The following HERC3 variants were observed in gnomAD, a reference collection of about 807,000 sequenced individuals.
HERC3 encodes HECT and RLD domain containing E3 ubiquitin protein ligase 3, also known as probable E3 ubiquitin-protein ligase HERC3.
In HERC3, 58 loss-of-function variants were observed where a neutral mutation model predicts 129.9. The observed-to-expected ratio is 0.45, with a 90% CI of 0.36 to 0.56. The LOEUF is 0.56. HERC3 is among the 20% of genes least tolerant of loss of function. The pLI is 0.00. For missense variants in HERC3, 835 were observed against 1,244.2 expected, an observed-to-expected ratio of 0.67 and a Z score of 4.95; for synonymous variants, 430 against 451.0, an observed-to-expected ratio of 0.95 and a Z score of 0.59.
At chr4:88,524,681 T>A in the HERC3 span, 1 of 152,240 alleles carries the variant, frequency 6.6e-6, no homozygotes, top group South Asian at 2.1e-4. Context: ...AATGTGATTG[T>A]GCATTCGAAG....
chr4:88,696,365 A>G (rs574287694), intron 23 of HERC3: 1 of 152,762 alleles, frequency 6.5e-6, no homozygotes, highest in South Asian at 2.1e-4. Flanking sequence ...GCTTTACATA[A>G]TTTGCTACAT....
chr4:88,597,992 G>A (rs1722579170), intron 2 of HERC3: 1 of 152,182 alleles, frequency 6.6e-6, no homozygotes, highest in Admixed American at 6.5e-5. Context: ...TTTATTTAAA[G>A]CCTGAATTTG....
the HERC3 span, among the ~76,000 whole-genome samples, chr4:88,547,398 A>C: frequency 6.6e-6 from 1 of 152,226 alleles, no homozygotes; most frequent in Admixed American, 6.5e-5. Context: ...AAAATGTAAA[A>C]TTTAATGGTT....
In HERC3 at chr4:88,706,922, C is replaced by G; in HGVS notation, c.3115C>G (p.Gln1039Glu). 6.2e-7 allele frequency: 1 copy of G among 1,614,188 alleles called. No homozygotes were observed. Among genetic ancestry groups the G allele is most frequent in the African/African-American group, 1.3e-5 (1 of 75,040 alleles). ...SKEILSARLT[Q>E]ALDNYEGFSL... is the part of the protein sequence containing the mutation. ...AGAGATTCTGAGTGCCCGGCTGACC[C>G]AGGCCCTTGACAACTATGAAGGGTT... is the stretch of plus-strand genomic sequence containing the variant. Residue 1039 changes from glutamine to glutamate, a missense_variant, in exon 26 of 26, where the codon CAG becomes GAG. Coordinates refer to ENST00000402738, the MANE Select transcript of HERC3 (RefSeq NM_014606.3).
At chr4:88,540,532 A>T in the HERC3 span, among the ~76,000 whole-genome samples, 4 of 152,254 alleles carry the variant, frequency 2.6e-5, no homozygotes, top group Admixed American at 2.6e-4. Flanking sequence ...TCAGGATATT[A>T]TCAAGGAGAA....
intron 19 of HERC3, 37 bp from the exon 20 acceptor site, chr4:88,680,056 T>C (rs752981693): frequency 6.4e-7 from 1 of 1,570,196 alleles, no homozygotes. Context: ...GTGTCATAGA[T>C]TTCCCGGAAG....
intron 3 of HERC3, among the ~76,000 whole-genome samples, chr4:88,615,644 G>T (rs1378181568): frequency 6.6e-6 from 1 of 152,164 alleles, no homozygotes; most frequent in Non-Finnish European, 1.5e-5. Flanking sequence ...ACATGTCTTA[G>T]TTTCCTTAGT....
chr4:88,523,871 G>T, the HERC3 span: 1 of 618,504 alleles, frequency 1.6e-6, no homozygotes, highest in Non-Finnish European at 2.6e-6. Flanking sequence ...CTTCTGCTCC[G>T]ACTGCTTTTC....
intron 3 of HERC3, among the ~76,000 whole-genome samples, chr4:88,633,003 A>G (rs560551886): frequency 2.0e-5 from 3 of 152,324 alleles, no homozygotes; most frequent in African/African-American, 7.2e-5. Context: ...AAAACAACAC[A>G]TTACATATAA....
chr4:88,677,398 T>G (rs1482431048), intron 18 of HERC3, among the ~76,000 whole-genome samples: 2 of 152,146 alleles, frequency 1.3e-5, no homozygotes, highest in Non-Finnish European at 2.9e-5. Context: ...AATCCTCCAC[T>G]TCCTACCATT....
the HERC3 span, among the ~76,000 whole-genome samples, chr4:88,554,504 A>G: frequency 1.3e-5 from 2 of 152,234 alleles, no homozygotes; most frequent in African/African-American, 4.8e-5. Flanking sequence ...GTTGGGCTTT[A>G]AACAATAATG....
At chr4:88,528,788 G>A in the HERC3 span, among the ~76,000 whole-genome samples, 1 of 152,104 alleles carries the variant, frequency 6.6e-6, no homozygotes, top group Non-Finnish European at 1.5e-5. Flanking sequence ...ACTTCAACCA[G>A]TTACTTAGTT....
chr4:88,612,296 T>TGTGTGC, intron 3 of HERC3, among the ~76,000 whole-genome samples: 1 of 133,392 alleles, frequency 7.5e-6, no homozygotes, highest in East Asian at 3.6e-4. Flanking sequence ...CAACTGTGTG[T>TGTGTGC]GTGTGTGTGT....
the HERC3 span, among the ~76,000 whole-genome samples, chr4:88,582,478 C>T: frequency 1.1e-4 from 16 of 152,258 alleles, no homozygotes; most frequent in Non-Finnish European, 2.4e-4. Flanking sequence ...CTGCTGTTCC[C>T]CATCTTCCCT....
chr4:88,700,871 A>T (rs539004698), intron 23 of HERC3, among the ~76,000 whole-genome samples: 3 of 152,280 alleles, frequency 2.0e-5, no homozygotes, highest in Admixed American at 2.0e-4. Flanking sequence ...TCCTCTTTGG[A>T]GGACCTCAAG....
At chr4:88,547,026 A>G in the HERC3 span, among the ~76,000 whole-genome samples, 8 of 152,210 alleles carry the variant, frequency 5.3e-5, no homozygotes, top group South Asian at 1.7e-3. Context: ...GCCATGTTTC[A>G]GTACTTCCTT....
chr4:88,681,049 A>C, intron 20 of HERC3, 110 bp from the exon 21 acceptor site: 1 of 1,465,068 alleles, frequency 6.8e-7, no homozygotes, highest in Non-Finnish European at 9.0e-7. Context: ...CTAAATATTA[A>C]TGAGACCTTT....
chr4:88,579,232 A>AATATATATATATATATATAT, the HERC3 span, among the ~76,000 whole-genome samples: 2 of 104,080 alleles, frequency 1.9e-5, no homozygotes, highest in African/African-American at 1.2e-4. Flanking sequence ...AAAAAAAAAA[A>AATATATATATATATATATAT]ATATATATAT....
At chr4:88,566,296 A>G in the HERC3 span, among the ~76,000 whole-genome samples, 1 of 152,178 alleles carries the variant, frequency 6.6e-6, no homozygotes, top group Non-Finnish European at 1.5e-5. Context: ...TGCAATGCAA[A>G]TACTATCTTA....
Sources: gnomAD v4.1 joint callset for allele counts (sites outside exome capture counted in the v4.1 genomes callset) on GRCh38, gnomAD v4.1.1 for gene constraint, MANE v1.5 for transcripts, NCBI Gene and HGNC (gene_info 2026-07-23, HGNC 2026-07-21) for gene names.